MBD2: variants seen among roughly 807,000 people sequenced by gnomAD.
MBD2 encodes methyl-CpG-binding domain protein 2.
A neutral mutation model predicts 39.3 loss-of-function variants in MBD2; 9 were observed. That is an observed-to-expected ratio of 0.23 (90% confidence interval 0.14 to 0.40). MBD2 has a LOEUF of 0.40. MBD2 is among the 10% of genes least tolerant of loss of function. The probability of loss-of-function intolerance (pLI) is 1.00; values close to 1 mark genes in which losing one functional copy is unlikely to be tolerated. For missense variants in MBD2, 458 were observed against 532.6 expected (o/e 0.86, Z 1.38); for synonymous variants, 233 against 211.1 (o/e 1.10, Z -0.90).
chr18:54,192,631 C>T (rs2086329466), intron 2 of MBD2, among the ~76,000 whole-genome samples: 1 of 152,178 alleles, frequency 6.6e-6, no homozygotes, highest in Non-Finnish European at 1.5e-5. Context: ...CAACCGTCTG[C>T]ATGAGTAAAC....
At chr18:54,214,015 T>A (rs915507134) in intron 1 of MBD2, among the ~76,000 whole-genome samples, 1 of 151,068 alleles carries the variant, frequency 6.6e-6, no homozygotes, top group African/African-American at 2.4e-5. Context: ...TTTTTTTTTT[T>A]TTTTTTAACA....
In MBD2 at chr18:54,224,387, C is replaced by T; in HGVS notation, c.173G>A (p.Gly58Asp). The change falls in exon 1 of 7, where the codon GGC becomes GAC. Residue 58 changes from glycine (G) to aspartate (D), a missense_variant. Gly to Asp is a moderately conservative substitution (Grantham distance 94). Coordinates refer to ENST00000256429, the MANE Select transcript of MBD2 (RefSeq NM_003927.5). ...GVRREGARGG[G>D]RGRGRWKQAG... ...CTGCTTCCACCGCCCCCGGCCACGG[C>T]CGCCGCCCCGAGCGCCTTCCCTGCG... The T allele has an allele frequency of 1.6e-6, 2 of 1,236,724 alleles. No homozygotes were observed. The highest frequency in any genetic ancestry group is 2.9e-5 in the South Asian group (1 of 34,578). The allele number at this position is 1,236,724 out of a possible 1,614,324, so 76.6% of individuals were successfully genotyped here.
intron 6 of MBD2, among the ~76,000 whole-genome samples, chr18:54,157,878 C>G (rs1303407626): frequency 1.3e-5 from 2 of 152,012 alleles, no homozygotes; most frequent in African/African-American, 4.8e-5. Flanking sequence ...GTGATTCTTT[C>G]TCCAGCTATA....
chr18:54,199,225 T>G (rs543999587), intron 2 of MBD2, among the ~76,000 whole-genome samples: 1 of 152,368 alleles, frequency 6.6e-6, no homozygotes, highest in Admixed American at 6.5e-5. Flanking sequence ...ATAGGACTTA[T>G]CCTTTCTATC....
At chr18:54,200,042 T>A (rs553790222) in intron 2 of MBD2, among the ~76,000 whole-genome samples, 3 of 152,296 alleles carry the variant, frequency 2.0e-5, no homozygotes, top group Non-Finnish European at 4.4e-5. Flanking sequence ...CAAGTGTGTA[T>A]TTATACTCAC....
intron 3 of MBD2, among the ~76,000 whole-genome samples, chr18:54,173,776 G>A (rs2086193637): frequency 6.6e-6 from 1 of 152,182 alleles, no homozygotes; most frequent in Non-Finnish European, 1.5e-5. Context: ...CAGGGAATGA[G>A]GAAACCAGTA....
At chr18:54,204,129 G>A (rs995543722) in intron 2 of MBD2, among the ~76,000 whole-genome samples, 2 of 152,112 alleles carry the variant, frequency 1.3e-5, no homozygotes, top group African/African-American at 4.8e-5. Context: ...GGACTTATGG[G>A]GTTACATCAG....
In MBD2 at chr18:54,224,281, G is replaced by T; in HGVS notation, c.279C>A (p.Gly93=). Residue 93 remains glycine (G), a synonymous_variant, in exon 1 of 7, where the codon GGC becomes GGA. Transcript: ENST00000256429. ...TGCCGCCACTCGGGGGACGGCCGCG[G>T]CCCCGGCCCCGGCCCCGTCCCCGTC... ...GRGRGRGRGR[G]RGRPPSGGSG... 2.2e-6 allele frequency: 2 copies of T among 927,910 alleles called. No individual in the cohort carries two copies. Among genetic ancestry groups the T allele is most frequent in the Non-Finnish European group, 2.6e-6 (2 of 781,406 alleles). 57.5% of individuals were successfully genotyped at this position (927,910 alleles called of 1,614,324 possible).
chr18:54,219,139 C>G (rs1180407639), intron 1 of MBD2, among the ~76,000 whole-genome samples: 3 of 152,282 alleles, frequency 2.0e-5, no homozygotes, highest in East Asian at 3.9e-4. Flanking sequence ...GCCGATTTCT[C>G]ACTTGTGTCT....
chr18:54,153,056 G>C lies in MBD2; in HGVS notation c.*2268C>G, dbSNP rs1353899757. 3 of 152,298 alleles carry C rather than the reference G, an allele frequency of 2.0e-5. No homozygotes were observed. Among genetic ancestry groups the C allele is most frequent in the African/African-American group, 7.2e-5 (3 of 41,452 alleles). The allele number at this position is 152,298 out of a possible 1,614,324, so 9.4% of individuals were successfully genotyped here. On this transcript the variant is annotated 3_prime_UTR_variant, in exon 7 of 7. Coordinates refer to ENST00000256429, the MANE Select transcript of MBD2 (RefSeq NM_003927.5). ...TGATGACTATGTGGAGGGATGGAGA[G>C]AGGGAAGGGGAAGAAAGTGGACAGG...
At position 54,200,199 on chromosome 18, in the gene MBD2, G is replaced by A. The variant is rs112743225; in HGVS notation, c.702+4799C>T. Among the ~76,000 whole-genome samples the A allele has an allele frequency of 5.1e-3, 778 of 152,224 alleles. 10 individuals are homozygous for A. The highest frequency in any genetic ancestry group is 0.016 in the African/African-American group (664 of 41,538). On this transcript the variant is annotated intron_variant, in intron 2 of 6. Transcript: ENST00000256429. ...GGGTGAATAGAGAAATGTGACGAAA[G>A]AATTGAGCCTTTCCAAGATACCAGT...
chr18:54,192,005 C>T (rs780541818), intron 2 of MBD2, among the ~76,000 whole-genome samples: 4 of 152,114 alleles, frequency 2.6e-5, no homozygotes, highest in African/African-American at 2.4e-5. Flanking sequence ...CTCAGGAGTA[C>T]GCATTTTAAA....
rs371915117 is a variant in MBD2 at position 54,208,291 on chromosome 18, G to A, written c.543-3134C>T. On this transcript the variant is annotated intron_variant, in intron 1 of 6. Coordinates refer to ENST00000256429, the MANE Select transcript of MBD2 (RefSeq NM_003927.5). ...GCAGATCACCTGAGTTCGGGAGTTT[G>A]CGACCAGCCTGACCAACATGGAGAA... is the stretch of plus-strand genomic sequence containing the variant. Among the ~76,000 whole-genome samples, 46 of 152,284 alleles carry A rather than the reference G, an allele frequency of 3.0e-4. 1 individual carries two copies. The South Asian group carries it at 3.7e-3, about 12-fold the overall frequency.
intron 1 of MBD2, among the ~76,000 whole-genome samples, chr18:54,212,000 C>T (rs932142015): frequency 9.2e-5 from 14 of 151,994 alleles, no homozygotes; most frequent in Admixed American, 3.3e-4. Context: ...GGATTACAGG[C>T]GCCTGCCACC....
intron 3 of MBD2, among the ~76,000 whole-genome samples, chr18:54,182,466 G>A (rs1449579571): frequency 6.6e-6 from 1 of 152,164 alleles, no homozygotes; most frequent in Non-Finnish European, 1.5e-5. Flanking sequence ...GGGATGAATA[G>A]CATATGCAAA....
At chr18:54,178,133 T>C (rs1389856687) in intron 3 of MBD2, among the ~76,000 whole-genome samples, 1 of 152,136 alleles carries the variant, frequency 6.6e-6, no homozygotes. Flanking sequence ...TAAGCCACCA[T>C]GCCCAGCCGT....
At chr18:54,202,069 G>A (rs561256771) in intron 2 of MBD2, among the ~76,000 whole-genome samples, 59 of 152,144 alleles carry the variant, frequency 3.9e-4, no homozygotes, top group Middle Eastern at 6.8e-3. Context: ...CATGTTGGGC[G>A]TGGTGTCTCA....
At chr18:54,178,108 C>T (rs2086225510) in intron 3 of MBD2, among the ~76,000 whole-genome samples, 1 of 152,124 alleles carries the variant, frequency 6.6e-6, no homozygotes, top group African/African-American at 2.4e-5. Context: ...TCCCAAAGTG[C>T]TTGGATTACA....
At chr18:54,156,506 C>T (rs529412368) in intron 6 of MBD2, among the ~76,000 whole-genome samples, 2 of 152,270 alleles carry the variant, frequency 1.3e-5, no homozygotes, top group South Asian at 4.2e-4. Context: ...CAGCCTCGCT[C>T]ACATAAACAA....
Sources: gnomAD v4.1 joint callset for allele counts (sites outside exome capture counted in the v4.1 genomes callset) on GRCh38, gnomAD v4.1.1 for gene constraint, MANE v1.5 for transcripts, NCBI Gene and HGNC (gene_info 2026-07-23, HGNC 2026-07-21) for gene names.